TMEM132D: variants seen among roughly 807,000 people sequenced by gnomAD.
TMEM132D encodes transmembrane protein 132D, also known as mature OL transmembrane protein.
Under a neutral mutation model 62.3 loss-of-function variants are expected in TMEM132D, and 21 were observed. That is an observed-to-expected ratio of 0.34 (90% CI 0.24 to 0.49). The LOEUF is 0.49. Among genes scored for constraint, TMEM132D ranks in the 20% least tolerant of loss-of-function variants. The pLI is 0.99. For missense variants in TMEM132D, 1,346 were observed against 1,402.8 expected, an observed-to-expected ratio of 0.96 and a Z score of 0.65; for synonymous variants, 621 against 575.6, an observed-to-expected ratio of 1.08 and a Z score of -1.13.
intron 4 of TMEM132D, among the ~76,000 whole-genome samples, chr12:129,298,960 A>C (rs2135625476): frequency 6.6e-6 from 1 of 152,342 alleles, no homozygotes; most frequent in South Asian, 2.1e-4. Flanking sequence ...GGCTTTTGCC[A>C]TTCAAAACAC....
At chr12:129,809,580 C>T (rs965491323) in intron 1 of TMEM132D, among the ~76,000 whole-genome samples, 7 of 152,280 alleles carry the variant, frequency 4.6e-5, no homozygotes, top group African/African-American at 1.7e-4. Context: ...AACACATCCT[C>T]AACATTATCA....
intron 5 of TMEM132D, among the ~76,000 whole-genome samples, chr12:129,144,733 C>T (rs773720495): frequency 2.6e-5 from 4 of 152,012 alleles, no homozygotes; most frequent in Non-Finnish European, 5.9e-5. Context: ...ACCTACGTAT[C>T]ATTCATCTAA....
chr12:129,238,994 C>A (rs1202850278), intron 4 of TMEM132D, among the ~76,000 whole-genome samples: 1 of 106,756 alleles, frequency 9.4e-6, no homozygotes. Context: ...TTGTTATTTT[C>A]TGTTTTTTTT....
intron 1 of TMEM132D, among the ~76,000 whole-genome samples, chr12:129,720,442 A>G (rs556169181): frequency 6.6e-6 from 1 of 152,256 alleles, no homozygotes; most frequent in Non-Finnish European, 1.5e-5. Flanking sequence ...AAAAATGAAT[A>G]TAAGTAATGC....
intron 3 of TMEM132D, among the ~76,000 whole-genome samples, chr12:129,498,752 T>A (rs538896337): frequency 5.7e-4 from 87 of 152,214 alleles, no homozygotes; most frequent in African/African-American, 2.0e-3. Context: ...TCAGTTAAGG[T>A]TCTTTGGTTG....
At chr12:129,116,639 G>A (rs1471680125) in intron 5 of TMEM132D, among the ~76,000 whole-genome samples, 1 of 152,114 alleles carries the variant, frequency 6.6e-6, no homozygotes, top group Non-Finnish European at 1.5e-5. Flanking sequence ...ATGGAAAGAT[G>A]CTCAATGTTG....
chr12:129,444,095 C>A (rs1419274762), intron 3 of TMEM132D, among the ~76,000 whole-genome samples: 8 of 151,960 alleles, frequency 5.3e-5, no homozygotes, highest in Non-Finnish European at 1.0e-4. Context: ...CCTTCCACTG[C>A]AGAGAAAAAT....
At chr12:129,798,056 C>A (rs112770718) in intron 1 of TMEM132D, among the ~76,000 whole-genome samples, 1 of 152,096 alleles carries the variant, frequency 6.6e-6, no homozygotes, top group African/African-American at 2.4e-5. Flanking sequence ...CTGTGTGGCA[C>A]CCTCCTCCTC....
intron 4 of TMEM132D, among the ~76,000 whole-genome samples, chr12:129,272,853 G>C (rs1483280728): frequency 6.6e-6 from 1 of 151,766 alleles, no homozygotes; most frequent in African/African-American, 2.4e-5. Context: ...CTAAGGTCAG[G>C]AGTTCGAAAC....
At chr12:129,342,840 G>T (rs1869541415) in intron 3 of TMEM132D, among the ~76,000 whole-genome samples, 1 of 152,152 alleles carries the variant, frequency 6.6e-6, no homozygotes, top group South Asian at 2.1e-4. Context: ...CATCATCACT[G>T]GCCATCAGAG....
intron 1 of TMEM132D, among the ~76,000 whole-genome samples, chr12:129,724,398 A>G (rs1377871079): frequency 6.6e-6 from 1 of 152,230 alleles, no homozygotes; most frequent in Non-Finnish European, 1.5e-5. Context: ...ATTCTCCCCT[A>G]AAGATGCTAG....
At chr12:129,492,627 A>G (rs943293207) in intron 3 of TMEM132D, among the ~76,000 whole-genome samples, 1 of 152,246 alleles carries the variant, frequency 6.6e-6, no homozygotes, top group African/African-American at 2.4e-5. Context: ...AAAATACAGT[A>G]TACACACTGT....
At chr12:129,677,586 T>A (rs183122375) in intron 2 of TMEM132D, among the ~76,000 whole-genome samples, 97 of 152,306 alleles carry the variant, frequency 6.4e-4, no homozygotes, top group African/African-American at 2.2e-3. Context: ...TTTTGACATG[T>A]ATTATATAAA....
chr12:129,871,186 T>C (rs1245432386), intron 1 of TMEM132D, among the ~76,000 whole-genome samples: 1 of 152,140 alleles, frequency 6.6e-6, no homozygotes, highest in Non-Finnish European at 1.5e-5. Flanking sequence ...AAACAGTGAT[T>C]CGTTCCAGGT....
chr12:129,385,550 T>C (rs1416568933), intron 3 of TMEM132D, among the ~76,000 whole-genome samples: 1 of 152,228 alleles, frequency 6.6e-6, no homozygotes, highest in Admixed American at 6.5e-5. Flanking sequence ...TAGTAAGTGC[T>C]ATATAACTGG....
intron 3 of TMEM132D, among the ~76,000 whole-genome samples, chr12:129,454,250 A>G (rs1437011808): frequency 1.3e-5 from 2 of 152,218 alleles, no homozygotes; most frequent in African/African-American, 4.8e-5. Flanking sequence ...AATTATGGAA[A>G]AGATTAGACT....
intron 2 of TMEM132D, among the ~76,000 whole-genome samples, chr12:129,621,833 G>T (rs1484049718): frequency 6.6e-6 from 1 of 152,172 alleles, no homozygotes; most frequent in African/African-American, 2.4e-5. Flanking sequence ...AACCCAGGTG[G>T]TCTGGGACTA....
At chr12:129,724,278 C>T (rs1183151982) in intron 1 of TMEM132D, among the ~76,000 whole-genome samples, 1 of 152,126 alleles carries the variant, frequency 6.6e-6, no homozygotes, top group East Asian at 1.9e-4. Context: ...GGAAGCCCAT[C>T]CCATGAGAGA....
chr12:129,851,217 T>C (rs1302279153), intron 1 of TMEM132D, among the ~76,000 whole-genome samples: 2 of 152,226 alleles, frequency 1.3e-5, no homozygotes, highest in African/African-American at 4.8e-5. Flanking sequence ...CGTATACAGC[T>C]AATCCAAGCA....
Sources: allele counts gnomAD v4.1 joint callset (sites outside exome capture counted in the v4.1 genomes callset), GRCh38; gene constraint gnomAD v4.1.1; transcripts MANE v1.5; gene names NCBI Gene and HGNC (gene_info 2026-07-23, HGNC 2026-07-21).